ASCC2: variants seen among roughly 807,000 people sequenced by gnomAD.
ASCC2 encodes the protein activating signal cointegrator 1 complex subunit 2.
ASCC2 carries 42 observed loss-of-function variants against 93.5 expected under a neutral mutation model. The ratio of observed to expected loss-of-function variants is 0.45; its 90% confidence interval spans 0.35 to 0.58. The LOEUF (loss-of-function observed/expected upper bound fraction) is 0.58, where lower values mean the gene tolerates loss of function less well. Ranked by LOEUF, ASCC2 falls within the 20% of genes least tolerant of loss-of-function variation. ASCC2 has a pLI of 0.00. For synonymous variants in ASCC2, 364 were observed against 384.2 expected (o/e 0.95, Z 0.62); for missense variants, 859 against 977.6 (o/e 0.88, Z 1.62).
Position 29,789,118 on chromosome 22 carries a change from T to C in ASCC2, c.2169A>G (p.Thr723=). Residue 723 remains threonine (T), a synonymous_variant, in exon 20 of 20, where the codon ACA becomes ACG. Transcript: ENST00000307790. ...CTTCCTTCTTCCTGCGTTCCTGGGT[T>C]GTCTCGCGGCTCTGCCCATGGCCTC... ...SPRGHGQSRE[T]TQERRKKEAN... 1.2e-6 allele frequency: 2 copies of C among 1,614,180 alleles called. No individual in the cohort carries two copies. Among genetic ancestry groups the C allele is most frequent in the Non-Finnish European group, 1.7e-6 (2 of 1,180,012 alleles).
In ASCC2 at chr22:29,801,244, C is replaced by T. The variant is rs548734526; in HGVS notation, c.1569-134G>A. 45 of 1,217,570 alleles carry T rather than the reference C, an allele frequency of 3.7e-5. No individual in the cohort carries two copies. In the African/African-American group the frequency reaches 5.4e-4, roughly 15 times the overall value. 75.4% of individuals were successfully genotyped at this position (1,217,570 alleles called of 1,614,324 possible). A position where few individuals can be genotyped will look rare whatever the true frequency, so the allele number is the denominator to read the frequency against. On this transcript the variant is annotated intron_variant, in intron 14 of 19. Transcript: ENST00000307790. ...AACAGGCACTCCTAGGACACAATCT[C>T]AAAACCTTGAAGAGGGAGATAAGCT...
Position 29,825,040 on chromosome 22 carries a change from A to G in ASCC2, c.411+47T>C. On this transcript the variant is annotated intron_variant, in intron 4 of 19. Transcript: ENST00000307790. This position sits in a 1 kb window ranked among gnomAD's most constrained non-coding sequence, Gnocchi z 4.9. ...CCCAGGGGTGGAGAGCCCGGCACAGAGGTGTCGAGTATCGGGTGATGACCT... is the reference window on the plus strand; with the variant it reads ...CCCAGGGGTGGAGAGCCCGGCACAGGGGTGTCGAGTATCGGGTGATGACCT... 1.5e-6 allele frequency: 2 copies of G among 1,350,456 alleles called. No individual in the cohort carries two copies. Among genetic ancestry groups the G allele is most frequent in the African/African-American group, 1.5e-5 (1 of 66,586 alleles). 83.7% of individuals were successfully genotyped at this position (1,350,456 alleles called of 1,614,324 possible). A position where few individuals can be genotyped will look rare whatever the true frequency, so the allele number is the denominator to read the frequency against.
chr22:29,806,136 C>T (rs895625098), intron 12 of ASCC2, 80 bp downstream of exon 12: 5 of 1,486,958 alleles, frequency 3.4e-6, no homozygotes, highest in Non-Finnish European at 4.7e-6. Context: ...TCTTTCCACT[C>T]CTCTGGGTTC....
intron 12 of ASCC2, 95 bp from the exon 13 acceptor site, chr22:29,804,925 G>T: frequency 7.3e-7 from 1 of 1,378,340 alleles, no homozygotes; most frequent in Non-Finnish European, 1.0e-6. Context: ...CATGGTTCCT[G>T]CCAGGGGCTT....
At chr22:29,812,886 GTTTT>G (rs111804922) in intron 8 of ASCC2, among the ~76,000 whole-genome samples, 1 of 143,766 alleles carries the variant, frequency 7.0e-6, no homozygotes, top group Non-Finnish European at 1.5e-5. Context: ...TTGGTTGTGC[GTTTT>G]TTTTTTTTTT....
intron 1 of ASCC2, among the ~76,000 whole-genome samples, chr22:29,835,578 C>G (rs75780043): frequency 6.6e-6 from 1 of 152,244 alleles, no homozygotes; most frequent in Non-Finnish European, 1.5e-5. Flanking sequence ...GACCTTGAGA[C>G]AGTTCCCTAA....
Position 29,806,284 on chromosome 22 carries a change from GAGGAA to G in ASCC2, c.1087_1091del (p.Phe363ProfsTer4). Reference sequence around the variant, plus strand: ...CGGGGAAGAGTGCATCATAGTCCCGGAGGAACCTGCAGGCAGATGAGAGCAGATGG... The same window carrying G: ...CGGGGAAGAGTGCATCATAGTCCCGGCCTGCAGGCAGATGAGAGCAGATGG... On this transcript the variant is annotated frameshift_variant and splice_region_variant, in exon 12 of 20. Coordinates refer to ENST00000307790, the MANE Select transcript of ASCC2 (RefSeq NM_032204.5). LOFTEE classifies it high-confidence loss of function. 6.2e-7 allele frequency: 1 copy of G among 1,614,164 alleles called. No homozygotes were observed. Among genetic ancestry groups the G allele is most frequent in the Non-Finnish European group, 8.5e-7 (1 of 1,180,030 alleles).
At chr22:29,801,334 C>T (rs1403548420) in intron 14 of ASCC2, among the ~76,000 whole-genome samples, 1 of 152,230 alleles carries the variant, frequency 6.6e-6, no homozygotes, top group Non-Finnish European at 1.5e-5. Flanking sequence ...CCCTCATTCT[C>T]TGCATGCCAT....
rs558914411 is a variant in ASCC2 at position 29,838,235 on chromosome 22, G to A, written c.-75C>T. The A allele has an allele frequency of 1.2e-3, 504 of 416,550 alleles. 1 individual carries two copies. The highest frequency in any genetic ancestry group is 2.1e-3 in the Non-Finnish European group (447 of 208,754). The allele number at this position is 416,550 out of a possible 1,614,324, so 25.8% of individuals were successfully genotyped here. The stretch of plus-strand genomic sequence containing the variant: ...GCCGCCGCCGCCGCCGCCGACCACG[G>A]TGACAGCTCCCTGAGCGCCCGCACT... On this transcript the variant is annotated 5_prime_UTR_variant, in exon 1 of 20. Transcript: ENST00000307790.
intron 2 of ASCC2, among the ~76,000 whole-genome samples, chr22:29,827,097 CAAAAAAA>C (rs58520896): frequency 7.0e-5 from 4 of 57,210 alleles, no homozygotes; most frequent in Non-Finnish European, 1.1e-4. Flanking sequence ...GACTCCATCT[CAAAAAAA>C]AAAAAAAAAA....
chr22:29,802,207 C>A lies in ASCC2; in HGVS notation c.1355G>T (p.Cys452Phe). ...GCCCACAGCCGCGGCTGCTCCCATG[C>A]ACTGTAGTGAGAGCCAGAGCCAAGA... ...SHPENSEEEE[C>F]MGAAAAVGPA... Residue 452 changes from cysteine (C) to phenylalanine (F), a missense_variant and splice_region_variant, in exon 14 of 20, where the codon TGC (cysteine) becomes TTC (phenylalanine). By Grantham distance (205) the Cys-to-Phe change is radical. Transcript: ENST00000307790. 1 of 1,613,910 alleles carries A rather than the reference C, an allele frequency of 6.2e-7. No individual in the cohort carries two copies. Among genetic ancestry groups the A allele is most frequent in the Middle Eastern group, 1.7e-4 (1 of 5,880 alleles).
intron 17 of ASCC2, among the ~76,000 whole-genome samples, chr22:29,792,780 C>T (rs926966854): frequency 4.6e-5 from 7 of 152,076 alleles, no homozygotes; most frequent in African/African-American, 1.2e-4. Flanking sequence ...TCTCTTCAGT[C>T]GGGACAGCTC....
At position 29,822,441 on chromosome 22, in the gene ASCC2, C is replaced by A. The variant is rs577903748; in HGVS notation, c.435G>T (p.Ala145=). Residue 145 remains alanine, a synonymous_variant, in exon 5 of 20, where the codon GCG becomes GCT. Coordinates refer to ENST00000307790, the MANE Select transcript of ASCC2 (RefSeq NM_032204.5). ...ESKDHFISPS[A]FGEILYNNFL... Reference sequence around the variant, plus strand: ...AGTTATTGTAGAGGATTTCTCCAAACGCAGAAGGGGAAATGAAGTGATCCT... The same window carrying A: ...AGTTATTGTAGAGGATTTCTCCAAAAGCAGAAGGGGAAATGAAGTGATCCT... 7 of 1,613,664 alleles carry A rather than the reference C, an allele frequency of 4.3e-6. No homozygotes were observed. The highest frequency in any genetic ancestry group is 1.3e-5 in the African/African-American group (1 of 74,820).
intron 12 of ASCC2, 141 bp downstream of exon 12, chr22:29,806,075 T>C: frequency 3.5e-6 from 3 of 857,598 alleles, no homozygotes; most frequent in Non-Finnish European, 5.7e-6. Context: ...GCTGGGACCT[T>C]GGCAGGCCAC....
chr22:29,809,737 C>T (rs1489656650), intron 8 of ASCC2, among the ~76,000 whole-genome samples: 1 of 151,532 alleles, frequency 6.6e-6, no homozygotes, highest in Non-Finnish European at 1.5e-5. Flanking sequence ...TGAAATTGTG[C>T]CACTGTACCC....
intron 1 of ASCC2, chr22:29,836,510 G>A (rs2063808516): frequency 6.6e-6 from 1 of 151,826 alleles, no homozygotes; most frequent in South Asian, 2.1e-4. Flanking sequence ...CCTGGTGGCA[G>A]AAAAGACCTT....
At chr22:29,818,403 TACACACACACAC>T (rs35685093) in intron 5 of ASCC2, among the ~76,000 whole-genome samples, 2,193 of 107,518 alleles carry the variant, frequency 0.02, 50 homozygotes, top group South Asian at 0.024. Flanking sequence ...ACTCCCTGCC[TACACACACACAC>T]ACACACACAC....
intron 8 of ASCC2, among the ~76,000 whole-genome samples, chr22:29,811,722 C>T (rs530248460): frequency 3.3e-5 from 5 of 152,332 alleles, no homozygotes; most frequent in South Asian, 4.1e-4. Flanking sequence ...TCTCCCCTGC[C>T]TCTGCTGTCC....
intron 8 of ASCC2, among the ~76,000 whole-genome samples, 170 bp downstream of exon 8, chr22:29,813,260 C>T (rs2060483673): frequency 6.6e-6 from 1 of 152,208 alleles, no homozygotes; most frequent in South Asian, 2.1e-4. Flanking sequence ...AAAATGCAGG[C>T]GCCACACAAG....
Sources: allele counts gnomAD v4.1 joint callset (sites outside exome capture counted in the v4.1 genomes callset), GRCh38; gene constraint gnomAD v4.1.1; non-coding constraint Gnocchi (gnomAD v3.1); transcripts MANE v1.5; gene names NCBI Gene and HGNC (gene_info 2026-07-23, HGNC 2026-07-21).